DENND1B: variants seen among roughly 807,000 people sequenced by gnomAD.
DENND1B encodes DENN domain containing 1B, also known as DENN domain-containing protein 1B.
Under a neutral mutation model 90.1 loss-of-function variants are expected in DENND1B, and 59 were observed. That is an observed-to-expected ratio of 0.65 (90% CI 0.53 to 0.81). DENND1B has a LOEUF of 0.81. Among genes scored for constraint, DENND1B ranks in the 40% least tolerant of loss-of-function variants. The pLI is 0.00. For missense variants in DENND1B, 862 were observed against 912.6 expected (o/e 0.94, Z 0.71); for synonymous variants, 337 against 324.6 (o/e 1.04, Z -0.41).
chr1:197,591,990 T>C (rs1289800351), intron 14 of DENND1B, among the ~76,000 whole-genome samples: 6 of 149,740 alleles, frequency 4.0e-5, no homozygotes. Flanking sequence ...GCACCTGTAG[T>C]CCCTGCTACT....
At chr1:197,759,488 T>A (rs1298978224) in intron 2 of DENND1B, among the ~76,000 whole-genome samples, 1 of 149,650 alleles carries the variant, frequency 6.7e-6, no homozygotes, top group African/African-American at 2.5e-5. Flanking sequence ...AATTCCAAAA[T>A]GAAAGTATCT....
chr1:197,737,672 C>A (rs2102349064), intron 2 of DENND1B, among the ~76,000 whole-genome samples: 1 of 152,114 alleles, frequency 6.6e-6, no homozygotes, highest in South Asian at 2.1e-4. Flanking sequence ...CTTAGCTAGA[C>A]AAGAAAAACA....
chr1:197,719,244 A>G (rs1284103785), intron 2 of DENND1B, among the ~76,000 whole-genome samples: 2 of 152,056 alleles, frequency 1.3e-5, no homozygotes, highest in Non-Finnish European at 2.9e-5. Context: ...TAAGCTAGAG[A>G]TATTTGTTTT....
intron 20 of DENND1B, among the ~76,000 whole-genome samples, chr1:197,516,791 C>T (rs1668429869): frequency 6.6e-6 from 1 of 151,796 alleles, no homozygotes; most frequent in South Asian, 2.1e-4. Flanking sequence ...TTATTAAAAA[C>T]ATGCATATTA....
chr1:197,611,027 A>C (rs183588262), intron 12 of DENND1B, among the ~76,000 whole-genome samples: 1 of 150,786 alleles, frequency 6.6e-6, no homozygotes, highest in Non-Finnish European at 1.5e-5. Flanking sequence ...GAGTTTTAAA[A>C]TATATCAACA....
rs375020414 is a variant in DENND1B at position 197,552,668 on chromosome 1, C to G, written c.1240+354G>C. The stretch of plus-strand genomic sequence containing the variant: ...CATAACCTCAGTTCTTAAATTCATA[C>G]TCAGTAATAACCATCACTAGTAGTT... On this transcript the variant is annotated intron_variant, in intron 16 of 22. Transcript: ENST00000620048. 5.8e-6 allele frequency: 6 copies of G among 1,025,964 alleles called. No individual in the cohort carries two copies. The African/African-American group carries it at 1.0e-4, about 18-fold the overall frequency. 63.6% of individuals were successfully genotyped at this position (1,025,964 alleles called of 1,614,324 possible).
rs572314446 is a variant in DENND1B at position 197,525,698 on chromosome 1, A to C, written c.1516-12745T>G. Among the ~76,000 whole-genome samples, 20 of 152,212 alleles carry C rather than the reference A, an allele frequency of 1.3e-4. No homozygotes were observed. The South Asian group carries it at 4.1e-3, about 32-fold the overall frequency. On this transcript the variant is annotated intron_variant, in intron 20 of 22. Coordinates refer to ENST00000620048, the MANE Select transcript of DENND1B (RefSeq NM_001195215.2). ...TTGTTAGTAAAATAATTATAGCTGC[A>C]TTTTATTTCTCAGATTTACCATATT...
At position 197,545,692 on chromosome 1, in the gene DENND1B, T is replaced by C. The variant is rs557397145; in HGVS notation, c.1350+230A>G. 1.5e-3 allele frequency: 596 copies of C among 407,286 alleles called. 2 individuals are homozygous for C. Among genetic ancestry groups the C allele is most frequent in the Admixed American group, 5.0e-3 (112 of 22,434 alleles). The allele number at this position is 407,286 out of a possible 1,614,324, so 25.2% of individuals were successfully genotyped here. A position where few individuals can be genotyped will look rare whatever the true frequency, so the allele number is the denominator to read the frequency against. On this transcript the variant is annotated intron_variant, in intron 18 of 22. Transcript: ENST00000620048. ...TCAATTTGCTGCACAACTTTGCCGA[T>C]AGCTTTGGAATAAAATGAGAACCAT...
At chr1:197,780,790 A>G in the DENND1B span, among the ~76,000 whole-genome samples, 1 of 152,184 alleles carries the variant, frequency 6.6e-6, no homozygotes, top group Non-Finnish European at 1.5e-5. Flanking sequence ...CTATAGTGTC[A>G]TGTAAAATGG....
intron 20 of DENND1B, among the ~76,000 whole-genome samples, chr1:197,519,117 A>G (rs1668596301): frequency 6.6e-6 from 1 of 151,948 alleles, no homozygotes; most frequent in Non-Finnish European, 1.5e-5. Context: ...ATGGTTTTGT[A>G]TCTGTCAGCA....
chr1:197,554,986 C>T (rs1671595310), intron 15 of DENND1B, among the ~76,000 whole-genome samples: 1 of 151,792 alleles, frequency 6.6e-6, no homozygotes, highest in Admixed American at 6.6e-5. Flanking sequence ...ATGTGCTTTA[C>T]CCAGACCAAG....
chr1:197,690,651 C>A (rs894867847), intron 3 of DENND1B: 32 of 209,104 alleles, frequency 1.5e-4, no homozygotes, highest in African/African-American at 7.0e-5. Flanking sequence ...ATCCCTAATA[C>A]CTGCACCCTA....
Position 197,642,773 on chromosome 1 carries a change from G to A in DENND1B, c.610C>T (p.Gln204Ter). The change falls in exon 10 of 23, where the codon CAG (glutamine) becomes TAG (stop). Residue 204 changes from glutamine to a stop codon, truncating the protein, a stop_gained. Transcript: ENST00000620048. LOFTEE classifies it high-confidence loss of function. ...FVAVDVNNML[Q>*]LYASMLHERR... ...TCATGCAGCATACTGGCATACAGCT[G>A]CAGCATGTTGTTCACATCCACGGCA... is the stretch of plus-strand genomic sequence containing the variant. The A allele has an allele frequency of 6.2e-7, 1 of 1,613,568 alleles. No homozygotes were observed. Among genetic ancestry groups the A allele is most frequent in the Non-Finnish European group, 8.5e-7 (1 of 1,179,758 alleles).
intron 5 of DENND1B, among the ~76,000 whole-genome samples, chr1:197,660,512 T>C (rs1183251758): frequency 6.6e-6 from 1 of 151,874 alleles, no homozygotes; most frequent in Admixed American, 6.6e-5. Flanking sequence ...TCCCAGAACT[T>C]CAGACATGAG....
intron 10 of DENND1B, among the ~76,000 whole-genome samples, chr1:197,630,742 G>A (rs1221339930): frequency 6.6e-6 from 1 of 151,840 alleles, no homozygotes; most frequent in Non-Finnish European, 1.5e-5. Context: ...TCATTTTATA[G>A]TTGGAGAAAC....
Position 197,652,326 on chromosome 1 carries a change from A to G in DENND1B, c.367-11T>C, listed in dbSNP as rs76047250. ...ATTCAAATCATTTTCCTAGGGCAAA[A>G]GAAAAAGTACATTTTATAAATAAAA... On this transcript the variant is annotated splice_polypyrimidine_tract_variant and intron_variant, in intron 6 of 22. Transcript: ENST00000620048. The G allele has an allele frequency of 9.8e-4, 1,564 of 1,602,832 alleles. 15 individuals are homozygous for G. In the African/African-American group the frequency reaches 0.019, roughly 19 times the overall value.
In DENND1B at chr1:197,639,721, T is replaced by G. The variant is rs139465115; in HGVS notation, c.672+2990A>C. On this transcript the variant is annotated intron_variant, in intron 10 of 22. Coordinates refer to ENST00000620048, the MANE Select transcript of DENND1B (RefSeq NM_001195215.2). The stretch of plus-strand genomic sequence containing the variant: ...TGAGTATAAAAAGCTTAAAAACAAG[T>G]AAATTCATTGATTTTACTTTTAATT... Among the ~76,000 whole-genome samples, 832 of 152,188 alleles carry G rather than the reference T, an allele frequency of 5.5e-3. 8 individuals are homozygous for G. The highest frequency in any genetic ancestry group is 0.019 in the African/African-American group (793 of 41,470).
chr1:197,635,146 C>T (rs1290744491), intron 10 of DENND1B, among the ~76,000 whole-genome samples: 2 of 152,156 alleles, frequency 1.3e-5, no homozygotes, highest in Non-Finnish European at 2.9e-5. Context: ...TCAAGGGATA[C>T]ATTTCTACTT....
intron 15 of DENND1B, among the ~76,000 whole-genome samples, chr1:197,561,082 C>T (rs1457879589): frequency 1.3e-5 from 2 of 151,886 alleles, no homozygotes; most frequent in Non-Finnish European, 2.9e-5. Flanking sequence ...TTAACTAGAT[C>T]TTCCCAGCAG....
Sources: allele counts gnomAD v4.1 joint callset (sites outside exome capture counted in the v4.1 genomes callset), GRCh38; gene constraint gnomAD v4.1.1; transcripts MANE v1.5; gene names NCBI Gene and HGNC (gene_info 2026-07-23, HGNC 2026-07-21).